The following CLIP2 variants were observed in gnomAD, a reference collection of about 807,000 sequenced individuals.
CLIP2 encodes CAP-Gly domain containing linker protein 2.
In CLIP2, 41 loss-of-function variants were observed where a neutral mutation model predicts 111.7. The observed-to-expected ratio is 0.37, with a 90% confidence interval of 0.29 to 0.48. The LOEUF (loss-of-function observed/expected upper bound fraction) is 0.48, where lower values mean the gene tolerates loss of function less well. Among genes scored for constraint, CLIP2 ranks in the 20% least tolerant of loss-of-function variants. The probability of loss-of-function intolerance (pLI) is 0.99; values close to 1 mark genes in which losing one functional copy is unlikely to be tolerated. For synonymous variants in CLIP2, 660 were observed against 644.2 expected (o/e 1.02, Z -0.37); for missense variants, 1,160 against 1,422.1 (o/e 0.82, Z 2.96).
At chr7:74,345,300 T>A (rs1383480562) in intron 3 of CLIP2, among the ~76,000 whole-genome samples, 1 of 151,980 alleles carries the variant, frequency 6.6e-6, no homozygotes, top group Non-Finnish European at 1.5e-5. Context: ...AGTGGCGCGA[T>A]CTCGACTAAC....
intron 1 of CLIP2, among the ~76,000 whole-genome samples, chr7:74,306,596 C>A (rs1015869279): frequency 2.0e-5 from 3 of 152,190 alleles, no homozygotes; most frequent in Admixed American, 1.3e-4. Context: ...GCCCGCCACC[C>A]CCGGGCAGCT....
intron 1 of CLIP2, among the ~76,000 whole-genome samples, chr7:74,315,169 G>A (rs1788736638): frequency 6.6e-6 from 1 of 152,066 alleles, no homozygotes; most frequent in Non-Finnish European, 1.5e-5. Context: ...CCAGCTACTT[G>A]GGAGGCTGAG....
At chr7:74,293,221 G>C (rs1378286465) in intron 1 of CLIP2, among the ~76,000 whole-genome samples, 1 of 152,224 alleles carries the variant, frequency 6.6e-6, no homozygotes, top group African/African-American at 2.4e-5. Context: ...GGACTTAAGA[G>C]TGGAGAACAG....
chr7:74,305,152 T>TGTCCAGGCCAGGCACTGTGCC (rs1788443220), intron 1 of CLIP2, among the ~76,000 whole-genome samples: 1 of 149,554 alleles, frequency 6.7e-6, no homozygotes, highest in Non-Finnish European at 1.5e-5. Flanking sequence ...TTACGTTCCC[T>TGTCCAGGCCAGGCACTGTGCC]GTCCAGCCCA....
chr7:74,310,983 C>CTTT (rs34526196), intron 1 of CLIP2, among the ~76,000 whole-genome samples: 6 of 142,202 alleles, frequency 4.2e-5, no homozygotes, highest in Non-Finnish European at 6.1e-5. Context: ...CTATTTTTAA[C>CTTT]TTTTTTTTTT....
rs145976483 is a variant in CLIP2, at chr7:74,336,381, T to C, written c.122-2067T>C. 1.4e-4 allele frequency among the ~76,000 whole-genome samples: 21 copies of C among 152,144 alleles called. 1 individual carries two copies. The highest frequency in any genetic ancestry group is 5.1e-4 in the African/African-American group (21 of 41,520). ...CCATGCTCAGCATGAGACTGGGTAA[T>C]TTATAAAGGAAAAGAAGTTTAATGG... On this transcript the variant is annotated intron_variant, in intron 2 of 16. Coordinates refer to ENST00000223398, the MANE Select transcript of CLIP2 (RefSeq NM_003388.5).
chr7:74,334,124 C>T (rs1554731739), intron 2 of CLIP2, among the ~76,000 whole-genome samples: 1 of 152,164 alleles, frequency 6.6e-6, no homozygotes, highest in African/African-American at 2.4e-5. Flanking sequence ...AGACTTGGCT[C>T]GCCCTGGCCA....
chr7:74,399,175 C>T (rs1246280944), intron 14 of CLIP2, among the ~76,000 whole-genome samples: 2 of 119,546 alleles, frequency 1.7e-5, no homozygotes, highest in Admixed American at 1.6e-4. Flanking sequence ...GCAGGTACAG[C>T]TCTGGGTGCC....
intron 13 of CLIP2, among the ~76,000 whole-genome samples, chr7:74,390,447 A>G (rs1791265169): frequency 1.3e-5 from 2 of 152,058 alleles, no homozygotes; most frequent in Admixed American, 1.3e-4. Context: ...AGGCAGGAGG[A>G]TCACTTGAGC....
In CLIP2 at chr7:74,372,963, G is replaced by C. The variant is rs1554312218; in HGVS notation, c.1412G>C (p.Gly471Ala). ...ACGCAGCTGGAGCACGCGCGCATTGGGGAGCTGGAACAGAGCCTGCTACTG... is the reference window on the plus strand; with the variant it reads ...ACGCAGCTGGAGCACGCGCGCATTGCGGAGCTGGAACAGAGCCTGCTACTG... Reference protein sequence around the residue: ...TQTQLEHARIGELEQSLLLEK... With the variant: ...TQTQLEHARIAELEQSLLLEK... Residue 471 changes from glycine to alanine, a missense_variant, in exon 9 of 17, where the codon GGG (glycine) becomes GCG (alanine). Gly to Ala is a moderately conservative substitution (Grantham distance 60). Transcript: ENST00000223398. 1.3e-6 allele frequency: 2 copies of C among 1,594,022 alleles called. No individual in the cohort carries two copies. Among genetic ancestry groups the C allele is most frequent in the Admixed American group, 1.7e-5 (1 of 57,518 alleles).
chr7:74,332,549 T>A (rs1187924807), intron 2 of CLIP2, among the ~76,000 whole-genome samples: 1 of 149,840 alleles, frequency 6.7e-6, no homozygotes, highest in Non-Finnish European at 1.5e-5. Flanking sequence ...CCTCCTGCCC[T>A]GGCCTCCCAA....
At chr7:74,360,144 G>A (rs1554309424) in intron 6 of CLIP2, 31 bp from the exon 7 acceptor site, 1 of 1,555,440 alleles carries the variant, frequency 6.4e-7, no homozygotes, top group Admixed American at 1.9e-5. Flanking sequence ...GGAGCATGCT[G>A]ACCCTGTCCT....
intron 13 of CLIP2, among the ~76,000 whole-genome samples, chr7:74,395,546 C>T (rs1554316534): frequency 6.6e-6 from 1 of 152,216 alleles, no homozygotes; most frequent in Non-Finnish European, 1.5e-5. Context: ...TCCTCCTCAG[C>T]CTCCCAAAGT....
At chr7:74,400,697 AG>A in intron 15 of CLIP2, 142 bp downstream of exon 15, 1 of 807,668 alleles carries the variant, frequency 1.2e-6, no homozygotes, top group Non-Finnish European at 1.9e-6. Context: ...CCTGGTCTGA[AG>A]GGGGAGGTAG....
Position 74,376,019 on chromosome 7 carries a change from G to A in CLIP2, c.1618G>A (p.Ala540Thr), listed in dbSNP as rs375622097. The change falls in exon 10 of 17, where the codon GCC (alanine) becomes ACC (threonine). Residue 540 changes from alanine to threonine, a missense_variant. Physicochemically the swap from Ala to Thr is moderately conservative, Grantham distance 58 (BLOSUM62 0). Transcript: ENST00000223398. The surrounding 1 kb of genome is among the most constrained non-coding windows in gnomAD (Gnocchi z 7.1). ...CCCACCTCCGGACCACCCAGACGCC[G>A]CCGAGATCCTGCGGCTACGGGAGCG... ...GPPPPDHPDA[A>T]EILRLRERLL... is the part of the protein sequence containing the mutation. 4.5e-5 allele frequency: 73 copies of A among 1,612,718 alleles called. No individual in the cohort carries two copies. The highest frequency in any genetic ancestry group is 3.0e-4 in the Admixed American group (18 of 59,912).
At chr7:74,364,925 G>A (rs1790434397) in intron 8 of CLIP2, 1 of 452,452 alleles carries the variant, frequency 2.2e-6, no homozygotes, top group Non-Finnish European at 4.4e-6. Flanking sequence ...CAGGGAGGCT[G>A]AGGCTAGAGG....
chr7:74,324,819 A>C (rs782184954), intron 2 of CLIP2, among the ~76,000 whole-genome samples: 2 of 25,504 alleles, frequency 7.8e-5, no homozygotes, highest in East Asian at 1.0e-3. Flanking sequence ...AGATCTTGAG[A>C]AAAAAAAAAA....
intron 11 of CLIP2, among the ~76,000 whole-genome samples, chr7:74,386,133 T>C (rs1791091141): frequency 6.6e-6 from 1 of 151,258 alleles, no homozygotes; most frequent in African/African-American, 2.4e-5. Context: ...CTGCTGCCTC[T>C]GCCTCCCGGG....
intron 2 of CLIP2, among the ~76,000 whole-genome samples, chr7:74,328,924 TA>T (rs1240726603): frequency 1.3e-5 from 2 of 149,986 alleles, no homozygotes; most frequent in Non-Finnish European, 1.5e-5. Context: ...TATATATATA[TA>T]TTTTTGAGAC....
Sources: gnomAD v4.1 joint callset for allele counts (sites outside exome capture counted in the v4.1 genomes callset) on GRCh38, gnomAD v4.1.1 for gene constraint, Gnocchi (gnomAD v3.1) non-coding constraint, MANE v1.5 for transcripts, NCBI Gene and HGNC (gene_info 2026-07-23, HGNC 2026-07-21) for gene names.